The following DPP6 variants were observed in gnomAD, a reference collection of about 807,000 sequenced individuals.
The protein encoded by DPP6 is dipeptidyl peptidase like 6.
DPP6 carries 69 observed loss-of-function variants against 122.6 expected under a neutral mutation model. That is an observed-to-expected ratio of 0.56 (90% CI 0.46 to 0.69). The LOEUF is 0.69. Among genes scored for constraint, DPP6 ranks in the 30% least tolerant of loss-of-function variants. The pLI, the probability that DPP6 is intolerant of heterozygous loss-of-function variation, is 0.00. For synonymous variants in DPP6, 418 were observed against 433.1 expected (o/e 0.97, Z 0.43); for missense variants, 928 against 1,116.9 (o/e 0.83, Z 2.41).
At chr7:154,869,207 C>G (rs1054160620) in intron 18 of DPP6, among the ~76,000 whole-genome samples, 1 of 152,204 alleles carries the variant, frequency 6.6e-6, no homozygotes, top group African/African-American at 2.4e-5. Flanking sequence ...CCTTCCCTGA[C>G]ACGAGACAGC....
intron 1 of DPP6, among the ~76,000 whole-genome samples, chr7:154,128,287 G>A (rs1027352042): frequency 9.9e-5 from 15 of 151,946 alleles, no homozygotes; most frequent in African/African-American, 1.5e-4. Context: ...AAAATTTTTT[G>A]AAAATAAAAA....
intron 5 of DPP6, among the ~76,000 whole-genome samples, chr7:154,598,001 G>A (rs929949258): frequency 6.6e-6 from 1 of 151,930 alleles, no homozygotes; most frequent in African/African-American, 2.4e-5. Flanking sequence ...CCCTGCAAAG[G>A]CTCCACCTCC....
intron 1 of DPP6, among the ~76,000 whole-genome samples, chr7:153,930,087 A>G (rs758203901): frequency 6.6e-6 from 1 of 152,166 alleles, no homozygotes; most frequent in Admixed American, 6.6e-5. Context: ...ATTATTAGTC[A>G]CGTGCAAATG....
At chr7:153,964,631 A>G (rs1223395551) in intron 1 of DPP6, among the ~76,000 whole-genome samples, 2 of 152,124 alleles carry the variant, frequency 1.3e-5, no homozygotes, top group Admixed American at 6.5e-5. Context: ...TTCCAGGAAC[A>G]GTAGGCTGGT....
chr7:154,226,071 C>T (rs1177878476), intron 1 of DPP6, among the ~76,000 whole-genome samples: 2 of 152,136 alleles, frequency 1.3e-5, no homozygotes, highest in African/African-American at 4.8e-5. Flanking sequence ...TTCCTGATGA[C>T]ACGATGCTGA....
chr7:154,682,035 A>G (rs1839312174), intron 7 of DPP6, among the ~76,000 whole-genome samples: 1 of 152,230 alleles, frequency 6.6e-6, no homozygotes, highest in Admixed American at 6.5e-5. Context: ...TCCAGAAGGG[A>G]AAGTAAAATT....
intron 1 of DPP6, chr7:153,968,530 A>G (rs1795866320): frequency 3.3e-5 from 5 of 151,826 alleles, no homozygotes; most frequent in South Asian, 4.1e-4. Context: ...TATGCAACCT[A>G]TATCATGACC....
chr7:154,067,553 C>T (rs1285656140), intron 1 of DPP6, among the ~76,000 whole-genome samples: 1 of 152,080 alleles, frequency 6.6e-6, no homozygotes, highest in Non-Finnish European at 1.5e-5. Context: ...TTCAGAATGA[C>T]CCTCGGAGAT....
chr7:153,941,394 G>A (rs952119076), intron 1 of DPP6, among the ~76,000 whole-genome samples: 4 of 152,186 alleles, frequency 2.6e-5, no homozygotes, highest in Admixed American at 2.6e-4. Flanking sequence ...GGGAGGTGGT[G>A]CTGGGTGATG....
intron 16 of DPP6, among the ~76,000 whole-genome samples, chr7:154,839,468 C>A (rs1394912104): frequency 1.3e-5 from 2 of 152,228 alleles, no homozygotes; most frequent in African/African-American, 4.8e-5. Flanking sequence ...CAGTTCTGTG[C>A]CTGTTTATTC....
chr7:154,672,159 C>A (rs1354855586), intron 7 of DPP6, among the ~76,000 whole-genome samples: 1 of 152,128 alleles, frequency 6.6e-6, no homozygotes, highest in Non-Finnish European at 1.5e-5. Flanking sequence ...TCCCCCTTTG[C>A]TCGACACTCA....
At chr7:154,236,737 C>T (rs763078030) in intron 1 of DPP6, among the ~76,000 whole-genome samples, 10 of 152,106 alleles carry the variant, frequency 6.6e-5, no homozygotes, top group East Asian at 3.8e-4. Context: ...TCCCTGACGT[C>T]GGTATTGCTG....
At chr7:154,707,004 G>A (rs369041155) in intron 7 of DPP6, among the ~76,000 whole-genome samples, 3 of 152,168 alleles carry the variant, frequency 2.0e-5, no homozygotes, top group South Asian at 4.1e-4. Context: ...TTATCTACAA[G>A]CATTTCTCTT....
At chr7:154,214,668 A>G (rs561852333) in intron 1 of DPP6, among the ~76,000 whole-genome samples, 5 of 152,238 alleles carry the variant, frequency 3.3e-5, no homozygotes, top group Middle Eastern at 3.4e-3. Context: ...TGTAATTCCA[A>G]CACTTTGGGA....
intron 1 of DPP6, among the ~76,000 whole-genome samples, chr7:153,944,439 A>G (rs1801843149): frequency 6.6e-6 from 1 of 152,054 alleles, no homozygotes; most frequent in South Asian, 2.1e-4. Context: ...GAGGGATGGG[A>G]AGGCAGCGAG....
chr7:154,747,497 T>A (rs1843088670), intron 8 of DPP6, among the ~76,000 whole-genome samples: 1 of 152,198 alleles, frequency 6.6e-6, no homozygotes, highest in African/African-American at 2.4e-5. Context: ...GACCTCAGTT[T>A]CCTCCTCTGT....
chr7:154,385,723 A>C (rs895487844), intron 1 of DPP6, among the ~76,000 whole-genome samples: 22 of 152,286 alleles, frequency 1.4e-4, no homozygotes, highest in African/African-American at 3.8e-4. Flanking sequence ...TGTACGGATG[A>C]ATTCCTCAAA....
intron 1 of DPP6, among the ~76,000 whole-genome samples, chr7:154,082,866 T>TG (rs1804128055): frequency 1.8e-4 from 26 of 147,606 alleles, no homozygotes; most frequent in African/African-American, 5.8e-4. Context: ...TTTTTTTTTT[T>TG]GAGATGGAGT....
chr7:153,903,364 T>G (rs1799719237), intron 1 of DPP6, among the ~76,000 whole-genome samples: 1 of 152,192 alleles, frequency 6.6e-6, no homozygotes. Flanking sequence ...TATTCACTGC[T>G]TAGCAATGAG....
Sources: allele counts gnomAD v4.1 joint callset (sites outside exome capture counted in the v4.1 genomes callset), GRCh38; gene constraint gnomAD v4.1.1; transcripts MANE v1.5; gene names NCBI Gene and HGNC (gene_info 2026-07-23, HGNC 2026-07-21).